CLSTN2: variants seen among roughly 807,000 people sequenced by gnomAD.
The protein encoded by CLSTN2 is calsyntenin-2.
CLSTN2 carries 48 observed loss-of-function variants against 101.2 expected under a neutral mutation model. That is an observed-to-expected ratio of 0.47 (90% confidence interval 0.38 to 0.60). CLSTN2 has a LOEUF of 0.60. CLSTN2 is among the 20% of genes least tolerant of loss of function. The pLI, the probability that CLSTN2 is intolerant of heterozygous loss-of-function variation, is 0.00. For synonymous variants in CLSTN2, 481 were observed against 463.6 expected, an observed-to-expected ratio of 1.04 and a Z score of -0.48; for missense variants, 1,160 against 1,238.2, an observed-to-expected ratio of 0.94 and a Z score of 0.95.
intron 2 of CLSTN2, among the ~76,000 whole-genome samples, chr3:140,211,310 G>T (rs1185532146): frequency 6.7e-6 from 1 of 150,226 alleles, no homozygotes. Flanking sequence ...AGGGTGAATG[G>T]TTGGCAGGGA....
At chr3:140,495,232 T>C (rs982141672) in intron 8 of CLSTN2, among the ~76,000 whole-genome samples, 3 of 152,224 alleles carry the variant, frequency 2.0e-5, no homozygotes, top group Non-Finnish European at 2.9e-5. Flanking sequence ...TGTTGAGCTT[T>C]CTGTAAATAT....
chr3:140,038,736 T>G (rs1381385723), intron 1 of CLSTN2, among the ~76,000 whole-genome samples: 1 of 152,190 alleles, frequency 6.6e-6, no homozygotes, highest in African/African-American at 2.4e-5. Context: ...CTTATCTTAG[T>G]TTCTTGTATT....
At chr3:140,098,684 G>A (rs2008912029) in intron 1 of CLSTN2, among the ~76,000 whole-genome samples, 1 of 152,214 alleles carries the variant, frequency 6.6e-6, no homozygotes, top group Non-Finnish European at 1.5e-5. Flanking sequence ...TTCCCTGAAT[G>A]CAGTTCACTG....
At chr3:140,371,283 G>A (rs894853926) in intron 2 of CLSTN2, among the ~76,000 whole-genome samples, 1 of 152,084 alleles carries the variant, frequency 6.6e-6, no homozygotes, top group Admixed American at 6.5e-5. Flanking sequence ...AAGGGGTAGA[G>A]GCTGGAGCTG....
chr3:140,184,931 TC>T (rs2010465381), intron 2 of CLSTN2, among the ~76,000 whole-genome samples: 1 of 152,010 alleles, frequency 6.6e-6, no homozygotes, highest in African/African-American at 2.4e-5. Flanking sequence ...TCAGTAAGAC[TC>T]CCACTCCAAG....
intron 1 of CLSTN2, among the ~76,000 whole-genome samples, chr3:140,052,766 A>C (rs1184422405): frequency 6.6e-6 from 1 of 152,186 alleles, no homozygotes; most frequent in Non-Finnish European, 1.5e-5. Context: ...CATTTTTGAC[A>C]TGGGCTCTGG....
chr3:140,172,780 C>CAA (rs1294307815), intron 1 of CLSTN2, among the ~76,000 whole-genome samples: 1 of 152,092 alleles, frequency 6.6e-6, no homozygotes, highest in African/African-American at 2.4e-5. Context: ...GATGCAAAAG[C>CAA]AAAAACCCCT....
At chr3:140,155,956 AT>A (rs11359814) in intron 1 of CLSTN2, among the ~76,000 whole-genome samples, 110,332 of 151,460 alleles carry the variant, frequency 0.73, 42,284 homozygotes, top group East Asian at 0.9. Context: ...GCTTTCTCTC[AT>A]TTTTTTTTTC....
chr3:140,443,525 C>T (rs1933006080), intron 5 of CLSTN2, among the ~76,000 whole-genome samples: 1 of 152,220 alleles, frequency 6.6e-6, no homozygotes, highest in Admixed American at 6.5e-5. Context: ...GGGTTTAAAT[C>T]CCAATAGCTT....
chr3:140,370,662 C>G (rs933614597), intron 2 of CLSTN2, among the ~76,000 whole-genome samples: 1 of 152,068 alleles, frequency 6.6e-6, no homozygotes, highest in African/African-American at 2.4e-5. Flanking sequence ...CCTAGGCAGT[C>G]TGGATTAGAG....
intron 1 of CLSTN2, among the ~76,000 whole-genome samples, chr3:140,149,880 C>T (rs540690192): frequency 2.0e-5 from 3 of 152,176 alleles, no homozygotes; most frequent in Non-Finnish European, 4.4e-5. Context: ...CTAAATTAGA[C>T]AACACCATTC....
intron 2 of CLSTN2, among the ~76,000 whole-genome samples, chr3:140,190,668 T>G (rs2010554055): frequency 6.6e-6 from 1 of 152,144 alleles, no homozygotes; most frequent in Admixed American, 6.6e-5. Flanking sequence ...TATTTCATTT[T>G]TTGAGTGACT....
chr3:140,258,146 A>C (rs375284528), intron 2 of CLSTN2, among the ~76,000 whole-genome samples: 1 of 152,142 alleles, frequency 6.6e-6, no homozygotes, highest in Admixed American at 6.5e-5. Flanking sequence ...TACACATTCT[A>C]TCTTCATAGC....
intron 1 of CLSTN2, among the ~76,000 whole-genome samples, chr3:140,021,329 G>C (rs1419551917): frequency 6.6e-6 from 1 of 152,228 alleles, no homozygotes; most frequent in Non-Finnish European, 1.5e-5. Flanking sequence ...AGAGCCCTGG[G>C]AGAAGTGGAT....
At chr3:140,470,310 C>T (rs931461871) in intron 8 of CLSTN2, among the ~76,000 whole-genome samples, 1 of 152,236 alleles carries the variant, frequency 6.6e-6, no homozygotes, top group African/African-American at 2.4e-5. Flanking sequence ...TTTACAGTTC[C>T]ATGTGATAGG....
At chr3:140,379,729 A>G (rs1484696051) in intron 2 of CLSTN2, among the ~76,000 whole-genome samples, 1 of 152,178 alleles carries the variant, frequency 6.6e-6, no homozygotes, top group Non-Finnish European at 1.5e-5. Context: ...TATCCGTAGG[A>G]TGGAATATTA....
At chr3:140,104,701 T>C (rs2009023268) in intron 1 of CLSTN2, among the ~76,000 whole-genome samples, 2 of 152,350 alleles carry the variant, frequency 1.3e-5, no homozygotes, top group South Asian at 2.1e-4. Flanking sequence ...AGATTAGATA[T>C]GGTGGCTCAT....
rs570331220 is a variant in CLSTN2 at position 140,112,584 on chromosome 3, T to C, written c.110-63367T>C. ...CATAAGTCAGTAAATGGGAAAGTCA[T>C]TTATCCCTCTGTCAAATATGGGTGA... On this transcript the variant is annotated intron_variant, in intron 1 of 16. Coordinates refer to ENST00000458420, the MANE Select transcript of CLSTN2 (RefSeq NM_022131.3). 2.2e-3 allele frequency among the ~76,000 whole-genome samples: 341 copies of C among 152,240 alleles called. 2 individuals carry two copies. The highest frequency in any genetic ancestry group is 2.7e-3 in the Non-Finnish European group (183 of 68,012).
intron 2 of CLSTN2, among the ~76,000 whole-genome samples, chr3:140,350,390 G>A (rs1270528597): frequency 6.6e-6 from 1 of 152,192 alleles, no homozygotes; most frequent in Admixed American, 6.5e-5. Context: ...GCTTTGCCAT[G>A]GCCATTGGGT....
Sources: gnomAD v4.1 joint callset for allele counts (sites outside exome capture counted in the v4.1 genomes callset) on GRCh38, gnomAD v4.1.1 for gene constraint, MANE v1.5 for transcripts, NCBI Gene and HGNC (gene_info 2026-07-23, HGNC 2026-07-21) for gene names.